The following CDKAL1 variants were observed in gnomAD, a reference collection of about 807,000 sequenced individuals.
The protein encoded by CDKAL1 is CDKAL1 threonylcarbamoyladenosine tRNA methylthiotransferase.
A neutral mutation model predicts 68.2 loss-of-function variants in CDKAL1; 32 were observed. That is an observed-to-expected ratio of 0.47 (90% CI 0.35 to 0.63). The LOEUF (loss-of-function observed/expected upper bound fraction) is 0.63. Ranked by LOEUF, CDKAL1 falls within the 30% of genes least tolerant of loss-of-function variation. CDKAL1 has a pLI of 0.00. For synonymous variants in CDKAL1, 234 were observed against 244.3 expected, an observed-to-expected ratio of 0.96 and a Z score of 0.39; for missense variants, 606 against 696.7, an observed-to-expected ratio of 0.87 and a Z score of 1.47.
chr6:20,896,537 C>T (rs115611164), intron 9 of CDKAL1, among the ~76,000 whole-genome samples: 1,711 of 152,194 alleles, frequency 0.011, 27 homozygotes, highest in African/African-American at 0.038. Context: ...TCTGTAATTG[C>T]TTAAATGAGT....
chr6:21,232,264 C>T lies in CDKAL1; in HGVS notation c.*1225C>T, dbSNP rs1488621725. Reference sequence around the variant, plus strand: ...TCAAGCAGTCTTCTTGCCTCAGCCTCCCAAAGTGCTGGGATTACAGGCGTG... The same window carrying T: ...TCAAGCAGTCTTCTTGCCTCAGCCTTCCAAAGTGCTGGGATTACAGGCGTG... On this transcript the variant is annotated 3_prime_UTR_variant, in exon 16 of 16. Coordinates refer to ENST00000274695, the MANE Select transcript of CDKAL1 (RefSeq NM_017774.3). 4 of 152,266 alleles carry T rather than the reference C, an allele frequency of 2.6e-5. No individual in the cohort carries two copies. The highest frequency in any genetic ancestry group is 4.4e-5 in the Non-Finnish European group (3 of 68,098). 9.4% of individuals were successfully genotyped at this position (152,266 alleles called of 1,614,324 possible).
Position 20,909,181 on chromosome 6 carries a change from ATGTATGTGTGTGTGTGTG to A in CDKAL1, c.743-46234_743-46217del, listed in dbSNP as rs1422514382. Among the ~76,000 whole-genome samples the A allele has an allele frequency of 1.1e-3, 140 of 133,312 alleles. 2 individuals are homozygous for A. In the East Asian group the frequency reaches 0.027, roughly 26 times the overall value. 87.5% of individuals were successfully genotyped at this position (133,312 alleles called of 152,430 possible). A position where few individuals can be genotyped will look rare whatever the true frequency, so the allele number is the denominator to read the frequency against. ...TGTATATGTATCTATATATGTGTGC[ATGTATGTGTGTGTGTGTG>A]TGTGTGTGTGTGTGTGTGTATTACT... On this transcript the variant is annotated intron_variant, in intron 9 of 15. Transcript: ENST00000274695.
intron 10 of CDKAL1, among the ~76,000 whole-genome samples, chr6:20,990,762 G>A (rs1361537201): frequency 6.6e-6 from 1 of 152,224 alleles, no homozygotes; most frequent in Non-Finnish European, 1.5e-5. Flanking sequence ...GATGAAATAT[G>A]TTTCTGGTCT....
At chr6:20,770,888 A>G (rs1774911875) in intron 7 of CDKAL1, among the ~76,000 whole-genome samples, 1 of 152,176 alleles carries the variant, frequency 6.6e-6, no homozygotes, top group Admixed American at 6.5e-5. Flanking sequence ...TCTGCCTCCC[A>G]GACTTCAGTG....
At chr6:20,991,933 T>C (rs1766833356) in intron 10 of CDKAL1, among the ~76,000 whole-genome samples, 1 of 150,402 alleles carries the variant, frequency 6.6e-6, no homozygotes. Context: ...ATTTTAAAAA[T>C]ATAATATCAT....
At chr6:21,101,552 C>G (rs1337674703) in intron 12 of CDKAL1, among the ~76,000 whole-genome samples, 1 of 152,150 alleles carries the variant, frequency 6.6e-6, no homozygotes, top group African/African-American at 2.4e-5. Flanking sequence ...TTGCCTCCCT[C>G]ACTCTACATT....
chr6:21,217,147 T>A (rs6904880), intron 15 of CDKAL1, among the ~76,000 whole-genome samples: 89,557 of 151,826 alleles, frequency 0.59, 27,174 homozygotes, highest in African/African-American at 0.74. Context: ...GCATTTTTTT[T>A]AAAATATATT....
At chr6:20,563,239 TCATTATTA>T (rs1353106067) in intron 4 of CDKAL1, among the ~76,000 whole-genome samples, 2 of 152,220 alleles carry the variant, frequency 1.3e-5, no homozygotes, top group African/African-American at 4.8e-5. Flanking sequence ...ATGAGGAAGT[TCATTATTA>T]GCTAGCTTAC....
chr6:21,160,589 C>T (rs1484361191), intron 13 of CDKAL1, among the ~76,000 whole-genome samples: 2 of 138,044 alleles, frequency 1.4e-5, no homozygotes, highest in East Asian at 4.0e-4. Context: ...AGCCACCGCA[C>T]CCAGCCAAGA....
At chr6:20,946,291 T>C (rs1400512308) in intron 9 of CDKAL1, among the ~76,000 whole-genome samples, 1 of 152,210 alleles carries the variant, frequency 6.6e-6, no homozygotes, top group Non-Finnish European at 1.5e-5. Context: ...GGCATACTCA[T>C]ACTGTGTCTT....
intron 9 of CDKAL1, among the ~76,000 whole-genome samples, chr6:20,873,740 G>A (rs1561847858): frequency 6.6e-6 from 1 of 152,160 alleles, no homozygotes; most frequent in African/African-American, 2.4e-5. Context: ...TGTTTTAAAA[G>A]GCAGTGCTTT....
rs113908834 is a variant in CDKAL1 at position 21,195,800 on chromosome 6, G to A, written c.1300-2221G>A. 1.1e-3 allele frequency among the ~76,000 whole-genome samples: 170 copies of A among 152,118 alleles called. 3 individuals carry two copies. Among genetic ancestry groups the A allele is most frequent in the African/African-American group, 3.8e-3 (157 of 41,524 alleles). ...GCTGGGATTACAGGCATGAGCCACC[G>A]GGCCCGGCCACTCTGGAGATTTTTA... On this transcript the variant is annotated intron_variant, in intron 13 of 15. Transcript: ENST00000274695.
chr6:20,695,620 T>C (rs1414881094), intron 5 of CDKAL1, among the ~76,000 whole-genome samples: 1 of 152,198 alleles, frequency 6.6e-6, no homozygotes, highest in Non-Finnish European at 1.5e-5. Context: ...GATCTGTTCC[T>C]GCTACTTCCA....
intron 9 of CDKAL1, among the ~76,000 whole-genome samples, chr6:20,855,109 A>G (rs1376019014): frequency 2.0e-5 from 3 of 152,146 alleles, no homozygotes; most frequent in African/African-American, 7.2e-5. Flanking sequence ...CTCACATACC[A>G]TGTTTCTGAA....
chr6:21,090,811 T>TC (rs1278792338), intron 12 of CDKAL1, among the ~76,000 whole-genome samples: 5 of 149,674 alleles, frequency 3.3e-5, no homozygotes, highest in Admixed American at 2.7e-4. Flanking sequence ...TTTTCTTTTT[T>TC]TTTTTTTTTT....
At chr6:21,035,739 G>A (rs758825794) in intron 11 of CDKAL1, among the ~76,000 whole-genome samples, 2 of 152,068 alleles carry the variant, frequency 1.3e-5, no homozygotes, top group Non-Finnish European at 1.5e-5. Flanking sequence ...ATTTGTCAGT[G>A]CTGATGGGTA....
intron 7 of CDKAL1, among the ~76,000 whole-genome samples, chr6:20,759,908 G>C (rs1022455502): frequency 2.6e-5 from 4 of 152,042 alleles, no homozygotes; most frequent in African/African-American, 9.7e-5. Context: ...TGTTGTAAAT[G>C]AGAAACTTAT....
chr6:20,741,146 C>T (rs1307154688), intron 6 of CDKAL1, among the ~76,000 whole-genome samples: 2 of 151,974 alleles, frequency 1.3e-5, no homozygotes, highest in Non-Finnish European at 2.9e-5. Context: ...AGGAGATTCT[C>T]CAGATGCAGT....
intron 9 of CDKAL1, among the ~76,000 whole-genome samples, chr6:20,856,848 C>G (rs1275285443): frequency 1.3e-5 from 2 of 152,296 alleles, no homozygotes; most frequent in South Asian, 4.1e-4. Flanking sequence ...TAAACCCGAC[C>G]TTTGTGAGAT....
Sources: gnomAD v4.1 joint callset for allele counts (sites outside exome capture counted in the v4.1 genomes callset) on GRCh38, gnomAD v4.1.1 for gene constraint, MANE v1.5 for transcripts, NCBI Gene and HGNC (gene_info 2026-07-23, HGNC 2026-07-21) for gene names.